The following RERE variants were observed in gnomAD, a reference collection of about 807,000 sequenced individuals.
RERE encodes arginine-glutamic acid dipeptide repeats protein.
Under a neutral mutation model 146.1 loss-of-function variants are expected in RERE, and 40 were observed. That is an observed-to-expected ratio of 0.27 (90% CI 0.21 to 0.36). The LOEUF is 0.36. Among genes scored for constraint, RERE ranks in the 10% least tolerant of loss-of-function variants. RERE has a pLI of 1.00. For synonymous variants in RERE, 1,003 were observed against 866.0 expected (o/e 1.16, Z -2.78); for missense variants, 1,933 against 2,138.7 (o/e 0.90, Z 1.90).
At chr1:8,694,973 A>AG (rs57215572) in intron 1 of RERE, among the ~76,000 whole-genome samples, 4,526 of 33,078 alleles carry the variant, frequency 0.14, 674 homozygotes, top group African/African-American at 0.17. Flanking sequence ...AGAAATCCTA[A>AG]GGGGGGGGGG....
chr1:8,724,746 T>C (rs1057080939), intron 1 of RERE, among the ~76,000 whole-genome samples: 3 of 151,984 alleles, frequency 2.0e-5, no homozygotes, highest in Non-Finnish European at 4.4e-5. Context: ...GGAGAATCCC[T>C]TGAACCCGGG....
At chr1:8,577,573 C>T (rs994357007) in intron 4 of RERE, among the ~76,000 whole-genome samples, 1 of 152,106 alleles carries the variant, frequency 6.6e-6, no homozygotes, top group African/African-American at 2.4e-5. Context: ...ACTCCTTGGC[C>T]CCCCATACTC....
At chr1:8,443,763 G>A (rs1047101513) in intron 11 of RERE, among the ~76,000 whole-genome samples, 1 of 152,180 alleles carries the variant, frequency 6.6e-6, no homozygotes, top group Non-Finnish European at 1.5e-5. Flanking sequence ...TGGCTCAAAG[G>A]GCCTCTGATA....
At chr1:8,780,103 T>C (rs979730150) in intron 1 of RERE, among the ~76,000 whole-genome samples, 4 of 151,980 alleles carry the variant, frequency 2.6e-5, no homozygotes, top group Non-Finnish European at 5.9e-5. Context: ...AGATTCTGTC[T>C]CAAAAAAAAT....
chr1:8,355,004 TGCAG>T lies in RERE; in HGVS notation c.*79_*82del. On this transcript the variant is annotated 3_prime_UTR_variant, in exon 23 of 23. Coordinates refer to ENST00000400908, the MANE Select transcript of RERE (RefSeq NM_001042681.2). Reference sequence around the variant, plus strand: ...CTTTAGAAGATATTCTTTTTGCTTTTGCAGCTCCTATTTTATGTAAAAAGTCCTG... The same window carrying T: ...CTTTAGAAGATATTCTTTTTGCTTTTCTCCTATTTTATGTAAAAAGTCCTG... The T allele has an allele frequency of 3.5e-6, 4 of 1,129,762 alleles. No homozygotes were observed. The Admixed American group carries it at 6.2e-5, about 18-fold the overall frequency. 70.0% of individuals were successfully genotyped at this position (1,129,762 alleles called of 1,614,324 possible). A position where few individuals can be genotyped will look rare whatever the true frequency, so the allele number is the denominator to read the frequency against.
At chr1:8,378,096 A>C (rs1642321592) in intron 12 of RERE, among the ~76,000 whole-genome samples, 1 of 152,256 alleles carries the variant, frequency 6.6e-6, no homozygotes, top group South Asian at 2.1e-4. Context: ...AAAGGAAAAG[A>C]AAGGGTACTT....
chr1:8,567,240 T>C (rs1226547149), intron 4 of RERE, among the ~76,000 whole-genome samples: 1 of 152,174 alleles, frequency 6.6e-6, no homozygotes, highest in African/African-American at 2.4e-5. Context: ...TGGTATTCAA[T>C]TCAAAAGACT....
intron 12 of RERE, among the ~76,000 whole-genome samples, chr1:8,404,788 A>G (rs1453227208): frequency 6.6e-6 from 1 of 152,188 alleles, no homozygotes; most frequent in East Asian, 1.9e-4. Context: ...ACTGGTGCCA[A>G]CCGTGTCAGG....
intron 12 of RERE, among the ~76,000 whole-genome samples, chr1:8,405,924 C>A (rs562511418): frequency 1.1e-3 from 165 of 152,204 alleles, no homozygotes; most frequent in African/African-American, 3.8e-3. Context: ...TGTGAGCCAC[C>A]GCAGCCGGCC....
intron 1 of RERE, among the ~76,000 whole-genome samples, chr1:8,686,102 C>A (rs1208182963): frequency 6.6e-6 from 1 of 151,984 alleles, no homozygotes; most frequent in Non-Finnish European, 1.5e-5. Context: ...CCACCTCAGA[C>A]TCCCAAGTAG....
Position 8,688,860 on chromosome 1 carries a change from G to A in RERE, c.-144-32419C>T, listed in dbSNP as rs559760943. On this transcript the variant is annotated intron_variant, in intron 1 of 22. Transcript: ENST00000400908. ...GCATGTGTAACATCGGCTAAGCTAAGCTATGGATTTTGGTAGATTAGGTGA... is the reference window on the plus strand; with the variant it reads ...GCATGTGTAACATCGGCTAAGCTAAACTATGGATTTTGGTAGATTAGGTGA... Among the ~76,000 whole-genome samples the A allele has an allele frequency of 8.5e-4, 130 of 152,334 alleles. 2 individuals are homozygous for A. The highest frequency in any genetic ancestry group is 3.4e-3 in the Middle Eastern group (1 of 294).
chr1:8,504,145 A>G (rs548599199), intron 8 of RERE, among the ~76,000 whole-genome samples: 41 of 152,332 alleles, frequency 2.7e-4, no homozygotes, highest in African/African-American at 9.1e-4. Context: ...CGAAATAGCA[A>G]CCAACCCAGT....
intron 10 of RERE, among the ~76,000 whole-genome samples, chr1:8,471,360 T>C (rs1644682939): frequency 6.6e-6 from 1 of 152,098 alleles, no homozygotes; most frequent in African/African-American, 2.4e-5. Context: ...TCTCCCACAC[T>C]GGAGTGCAGT....
In RERE at chr1:8,759,535, A is replaced by G. The variant is rs757955452; in HGVS notation, c.-145+57625T>C. 5.3e-4 allele frequency among the ~76,000 whole-genome samples: 81 copies of G among 152,342 alleles called. 1 individual carries two copies. Among genetic ancestry groups the G allele is most frequent in the Non-Finnish European group, 4.1e-4 (28 of 68,032 alleles). ...CCAAAGTAGACGCTTCCCAAAAGAAAAAACAGAACGAAAACTGCAAAATTC... is the reference window on the plus strand; with the variant it reads ...CCAAAGTAGACGCTTCCCAAAAGAAGAAACAGAACGAAAACTGCAAAATTC... On this transcript the variant is annotated intron_variant, in intron 1 of 22. Transcript: ENST00000400908.
At chr1:8,683,490 C>G (rs1639020022) in intron 1 of RERE, among the ~76,000 whole-genome samples, 1 of 152,142 alleles carries the variant, frequency 6.6e-6, no homozygotes, top group Admixed American at 6.5e-5. Flanking sequence ...CACAGAAATT[C>G]TACAACCCAT....
chr1:8,608,282 C>A (rs918401594), intron 4 of RERE, among the ~76,000 whole-genome samples: 1 of 152,024 alleles, frequency 6.6e-6, no homozygotes, highest in South Asian at 2.1e-4. Flanking sequence ...ACAGGAGGAT[C>A]CCTTGAGTCC....
intron 6 of RERE, among the ~76,000 whole-genome samples, chr1:8,547,543 A>C (rs546669885): frequency 6.6e-6 from 1 of 152,384 alleles, no homozygotes; most frequent in African/African-American, 2.4e-5. Context: ...CACTTTTTAA[A>C]AGTAAAACAA....
chr1:8,740,857 G>A (rs562040891), intron 1 of RERE, among the ~76,000 whole-genome samples: 13 of 152,254 alleles, frequency 8.5e-5, no homozygotes, highest in African/African-American at 3.1e-4. Context: ...ACCTCTTCCA[G>A]AATAGCTGGA....
Position 8,423,724 on chromosome 1 carries a change from CGCGCGGCGCGGGGCCCGGGGG to C in RERE, c.1204-938_1204-918del, listed in dbSNP as rs1486098166. 2.0e-5 allele frequency: 20 copies of C among 978,906 alleles called. No individual in the cohort carries two copies. Among genetic ancestry groups the C allele is most frequent in the Middle Eastern group, 1.0e-3 (2 of 1,926 alleles). 60.6% of individuals were successfully genotyped at this position (978,906 alleles called of 1,614,324 possible). On this transcript the variant is annotated intron_variant, in intron 11 of 22. Transcript: ENST00000400908. The surrounding 1 kb of genome is among the most constrained non-coding windows in gnomAD (Gnocchi z 5.4). ...GCTCGGCGTGTGACCGCGGCGGGGC[CGCGCGGCGCGGGGCCCGGGGG>C]GCGCGGGGCTGGGGCCGCCGCTGAC... is the stretch of plus-strand genomic sequence containing the variant.
Sources: gnomAD v4.1 joint callset for allele counts (sites outside exome capture counted in the v4.1 genomes callset) on GRCh38, gnomAD v4.1.1 for gene constraint, Gnocchi (gnomAD v3.1) non-coding constraint, MANE v1.5 for transcripts, NCBI Gene and HGNC (gene_info 2026-07-23, HGNC 2026-07-21) for gene names.